The following XKR9 variants were observed in gnomAD, a reference collection of about 807,000 sequenced individuals.
The protein encoded by XKR9 is XK-related protein 9.
XKR9 carries 32 observed loss-of-function variants against 32.0 expected under a neutral mutation model. The observed-to-expected ratio is 1.00, with a 90% CI of 0.76 to 1.34. XKR9 has a LOEUF of 1.34. Ranked by LOEUF, XKR9 falls within the 40% of genes most tolerant of loss-of-function variation. The pLI is 0.00. For missense variants in XKR9, 546 were observed against 429.7 expected (o/e 1.27, Z -2.39); for synonymous variants, 168 against 143.4 (o/e 1.17, Z -1.22).
At chr8:70,696,351 A>AT (rs1364672107) in intron 3 of XKR9, among the ~76,000 whole-genome samples, 1 of 152,092 alleles carries the variant, frequency 6.6e-6, no homozygotes, top group African/African-American at 2.4e-5. Flanking sequence ...TCTTGAATTA[A>AT]TTTTTGTATA....
chr8:71,014,990 C>G, the XKR9 span, among the ~76,000 whole-genome samples: 65,751 of 151,962 alleles, frequency 0.43, 15,283 homozygotes, highest in Non-Finnish European at 0.53. Context: ...TCAGATGTTG[C>G]TGGGATAAAA....
intron 2 of XKR9, among the ~76,000 whole-genome samples, chr8:70,762,341 G>A (rs561739638): frequency 6.6e-6 from 1 of 152,138 alleles, no homozygotes; most frequent in African/African-American, 2.4e-5. Context: ...CAACCCCTGG[G>A]CAACGGACTG....
the XKR9 span, among the ~76,000 whole-genome samples, chr8:70,966,876 C>A: frequency 1.3e-5 from 2 of 151,840 alleles, no homozygotes; most frequent in African/African-American, 4.8e-5. Context: ...TTATGTAATG[C>A]CCTTCTTTGT....
the XKR9 span, among the ~76,000 whole-genome samples, chr8:70,856,110 C>G: frequency 6.6e-6 from 1 of 152,140 alleles, no homozygotes; most frequent in Non-Finnish European, 1.5e-5. Flanking sequence ...ATGACAGGAT[C>G]AAATGCACAC....
chr8:70,953,305 C>T, the XKR9 span, among the ~76,000 whole-genome samples: 2 of 152,130 alleles, frequency 1.3e-5, no homozygotes, highest in African/African-American at 2.4e-5. Flanking sequence ...CCATACATTA[C>T]ATTATTATTA....
intron 2 of XKR9, among the ~76,000 whole-genome samples, chr8:70,761,205 T>C (rs533984903): frequency 5.1e-4 from 78 of 152,170 alleles, no homozygotes; most frequent in Non-Finnish European, 9.8e-4. Flanking sequence ...GTAGAACAAT[T>C]ATGTTAATTT....
At chr8:70,756,511 C>T (rs1275073284) in intron 2 of XKR9, among the ~76,000 whole-genome samples, 2 of 152,000 alleles carry the variant, frequency 1.3e-5, no homozygotes, top group African/African-American at 4.8e-5. Flanking sequence ...AGATGTTTTT[C>T]CATTTATTTA....
intron 2 of XKR9, among the ~76,000 whole-genome samples, chr8:70,741,167 G>C (rs1586878078): frequency 6.6e-6 from 1 of 152,248 alleles, no homozygotes; most frequent in Non-Finnish European, 1.5e-5. Context: ...GCAAGCCTGG[G>C]CAATGGTGGG....
At chr8:70,902,928 A>C in the XKR9 span, among the ~76,000 whole-genome samples, 4 of 152,210 alleles carry the variant, frequency 2.6e-5, no homozygotes, top group African/African-American at 7.2e-5. Flanking sequence ...TTCTGTTTAT[A>C]TGATGGATTA....
At chr8:70,841,598 A>T in the XKR9 span, among the ~76,000 whole-genome samples, 1 of 152,158 alleles carries the variant, frequency 6.6e-6, no homozygotes, top group East Asian at 1.9e-4. Context: ...GGTTCTGTTA[A>T]TCTGGAATCA....
At chr8:70,732,618 G>C (rs1806709700) in intron 4 of XKR9, among the ~76,000 whole-genome samples, 2 of 152,206 alleles carry the variant, frequency 1.3e-5, no homozygotes. Context: ...TTACAATAGA[G>C]AAAGAGTAAT....
chr8:70,696,133 G>C (rs1805266898), intron 3 of XKR9, among the ~76,000 whole-genome samples: 1 of 151,150 alleles, frequency 6.6e-6, no homozygotes, highest in African/African-American at 2.4e-5. Flanking sequence ...TTTGTAGGTT[G>C]CCTGTTCACT....
At chr8:70,728,966 T>G (rs1414230344) in intron 4 of XKR9, among the ~76,000 whole-genome samples, 1 of 152,184 alleles carries the variant, frequency 6.6e-6, no homozygotes, top group Non-Finnish European at 1.5e-5. Context: ...AACTCAGGGC[T>G]CCTAGGCCTG....
At chr8:70,717,519 A>G (rs1474689487) in intron 4 of XKR9, among the ~76,000 whole-genome samples, 3 of 152,178 alleles carry the variant, frequency 2.0e-5, no homozygotes, top group Non-Finnish European at 2.9e-5. Flanking sequence ...GCAATGGCCT[A>G]AGCTTTACAT....
At chr8:70,999,842 T>A in the XKR9 span, among the ~76,000 whole-genome samples, 6 of 152,234 alleles carry the variant, frequency 3.9e-5, no homozygotes, top group African/African-American at 1.4e-4. Context: ...GGCATTTATT[T>A]ACCATTGGAT....
intron 4 of XKR9, among the ~76,000 whole-genome samples, chr8:70,726,023 T>C (rs2132227827): frequency 6.6e-6 from 1 of 152,314 alleles, no homozygotes; most frequent in Non-Finnish European, 1.5e-5. Context: ...TCAATCTAAC[T>C]TGTTATAATG....
At chr8:70,823,292 A>T in the XKR9 span, among the ~76,000 whole-genome samples, 6 of 152,320 alleles carry the variant, frequency 3.9e-5, no homozygotes, top group African/African-American at 1.4e-4. Flanking sequence ...GTTAATTCCT[A>T]AATTATATCC....
chr8:70,816,867 A>G, the XKR9 span, among the ~76,000 whole-genome samples: 978 of 152,312 alleles, frequency 6.4e-3, 11 homozygotes, highest in African/African-American at 0.022. Context: ...ATTAAAAACA[A>G]CAACCATATG....
At chr8:71,016,236 C>A in the XKR9 span, among the ~76,000 whole-genome samples, 1 of 152,040 alleles carries the variant, frequency 6.6e-6, no homozygotes, top group Non-Finnish European at 1.5e-5. Context: ...GGCAATTGAT[C>A]TTCCTTATTT....
Sources: allele counts gnomAD v4.1 joint callset (sites outside exome capture counted in the v4.1 genomes callset), GRCh38; gene constraint gnomAD v4.1.1; transcripts MANE v1.5; gene names NCBI Gene and HGNC (gene_info 2026-07-23, HGNC 2026-07-21).